Variants in SEMA6A observed in about 807,000 individuals in gnomAD.
SEMA6A encodes the protein semaphorin 6A, also known as semaphorin-6A.
A neutral mutation model predicts 96.8 loss-of-function variants in SEMA6A; 25 were observed. That is an observed-to-expected ratio of 0.26 (90% CI 0.19 to 0.36). The LOEUF (loss-of-function observed/expected upper bound fraction) is 0.36. Ranked by LOEUF, SEMA6A falls within the 10% of genes least tolerant of loss-of-function variation. The pLI is 1.00. For missense variants in SEMA6A, 1,363 were observed against 1,323.1 expected (o/e 1.03, Z -0.47); for synonymous variants, 612 against 518.0 (o/e 1.18, Z -2.46).
chr5:116,462,791 A>G (rs544744092), intron 18 of SEMA6A, among the ~76,000 whole-genome samples: 48 of 152,160 alleles, frequency 3.2e-4, no homozygotes, highest in Non-Finnish European at 3.8e-4. Flanking sequence ...GACTCCTTCA[A>G]TTGCTACAGT....
Position 116,477,908 on chromosome 5 carries a change from T to C in SEMA6A, c.1587A>G (p.Arg529=), listed in dbSNP as rs1188447845. ...CCTTTATCCATCCACAATATGGGTC[T>C]CTGGAGGCAATACAGGTTCTGCAGG... ...GKCKKTCIAS[R]DPYCGWIKEG... is the part of the protein sequence containing the mutation. Residue 529 remains arginine (R), a synonymous_variant, in exon 15 of 19, where the codon AGA becomes AGG. Coordinates refer to ENST00000343348, the MANE Select transcript of SEMA6A (RefSeq NM_020796.5). 2 of 1,613,992 alleles carry C rather than the reference T, an allele frequency of 1.2e-6. No individual in the cohort carries two copies. Among genetic ancestry groups the C allele is most frequent in the Non-Finnish European group, 1.7e-6 (2 of 1,179,858 alleles).
chr5:116,474,024 T>G (rs2112672560), intron 16 of SEMA6A, among the ~76,000 whole-genome samples: 1 of 152,210 alleles, frequency 6.6e-6, no homozygotes, highest in East Asian at 1.9e-4. Flanking sequence ...CCTGAGAGCG[T>G]CCCCTATGCT....
intron 7 of SEMA6A, among the ~76,000 whole-genome samples, chr5:116,490,189 C>A (rs1757263968): frequency 6.6e-6 from 1 of 152,082 alleles, no homozygotes; most frequent in South Asian, 2.1e-4. Context: ...AGCTATATAT[C>A]AATAAGTTTT....
intron 5 of SEMA6A, 40 bp from the exon 6 acceptor site, chr5:116,495,554 A>T (rs755125012): frequency 7.0e-7 from 1 of 1,419,964 alleles, no homozygotes; most frequent in Non-Finnish European, 9.7e-7. Context: ...ATGTCCATTC[A>T]GTACAGAAAC....
At chr5:116,549,485 C>G (rs980740658) in intron 1 of SEMA6A, among the ~76,000 whole-genome samples, 3 of 152,120 alleles carry the variant, frequency 2.0e-5, no homozygotes, top group Non-Finnish European at 4.4e-5. Flanking sequence ...CCCCAGGGAC[C>G]CATGGTTGTC....
rs762840003 is a variant in SEMA6A, at chr5:116,447,218, C to G, written c.2488G>C (p.Val830Leu). Reference protein sequence around the residue: ...ITQQGYQHEYVDQPKMSEVAQ... With the variant: ...ITQQGYQHEYLDQPKMSEVAQ... Reference sequence around the variant, plus strand: ...ACCTCGCTCATTTTGGGCTGGTCCACGTACTCATGCTGGTAGCCCTGCTGC... The same window carrying G: ...ACCTCGCTCATTTTGGGCTGGTCCAGGTACTCATGCTGGTAGCCCTGCTGC... Residue 830 changes from valine (V) to leucine (L), a missense_variant, in exon 19 of 19, where the codon GTG becomes CTG. Val to Leu is a conservative substitution (Grantham distance 32). This residue lies in a region of SEMA6A where 883 missense variants were observed against 763.6 expected (regional missense o/e 1.16). Coordinates refer to ENST00000343348, the MANE Select transcript of SEMA6A (RefSeq NM_020796.5). 29 of 1,613,938 alleles carry G rather than the reference C, an allele frequency of 1.8e-5. No individual in the cohort carries two copies. Among genetic ancestry groups the G allele is most frequent in the Non-Finnish European group, 2.1e-5 (25 of 1,179,918 alleles).
intron 11 of SEMA6A, among the ~76,000 whole-genome samples, chr5:116,482,118 C>T (rs185558831): frequency 1.4e-4 from 22 of 152,262 alleles, no homozygotes; most frequent in Non-Finnish European, 2.1e-4. Flanking sequence ...TCACCACCCC[C>T]AACCCCCGCT....
intron 18 of SEMA6A, among the ~76,000 whole-genome samples, chr5:116,454,919 C>G (rs1263935259): frequency 6.6e-6 from 1 of 152,028 alleles, no homozygotes; most frequent in African/African-American, 2.4e-5. Context: ...AATGACTGAC[C>G]ATGCCAAAGT....
chr5:116,559,373 C>A (rs1207524471), intron 1 of SEMA6A, among the ~76,000 whole-genome samples: 2 of 152,182 alleles, frequency 1.3e-5, no homozygotes, highest in Admixed American at 6.5e-5. Flanking sequence ...GGCCGGAAGA[C>A]AGGTACCCCC....
intron 1 of SEMA6A, among the ~76,000 whole-genome samples, chr5:116,522,288 T>C (rs1758992340): frequency 6.6e-6 from 1 of 152,230 alleles, no homozygotes; most frequent in Admixed American, 6.5e-5. Flanking sequence ...TACTATTTTT[T>C]AAACTCTTTG....
intron 1 of SEMA6A, among the ~76,000 whole-genome samples, chr5:116,535,259 G>A (rs2112849075): frequency 6.6e-6 from 1 of 152,242 alleles, no homozygotes; most frequent in South Asian, 2.1e-4. Context: ...CAACTAATAA[G>A]GTCACTGACC....
chr5:116,570,074 G>A (rs1053836796), intron 1 of SEMA6A, among the ~76,000 whole-genome samples: 18 of 152,170 alleles, frequency 1.2e-4, no homozygotes, highest in Admixed American at 3.9e-4. Flanking sequence ...CTTGTGTATA[G>A]ACTATATGCA....
At chr5:116,512,950 T>C (rs1443980235) in intron 1 of SEMA6A, among the ~76,000 whole-genome samples, 1 of 152,206 alleles carries the variant, frequency 6.6e-6, no homozygotes, top group South Asian at 2.1e-4. Flanking sequence ...GTAAACGTTC[T>C]TTGTTTGTTT....
chr5:116,480,490 A>G (rs1756697331), intron 11 of SEMA6A, among the ~76,000 whole-genome samples: 2 of 152,210 alleles, frequency 1.3e-5, no homozygotes, highest in Non-Finnish European at 2.9e-5. Flanking sequence ...CAGCCAGCAC[A>G]GTTCAGCCTC....
Position 116,486,823 on chromosome 5 carries a change from G to C in SEMA6A, c.888C>G (p.Leu296=). 2 of 1,613,866 alleles carry C rather than the reference G, an allele frequency of 1.2e-6. No homozygotes were observed. The highest frequency in any genetic ancestry group is 4.5e-5 in the East Asian group (2 of 44,862). ...PGDSHFYFNI[L]QAVTDVIRIN... is the part of the protein sequence containing the mutation. ...TACGAATCACATCTGTAACTGCCTG[G>C]AGAATGTTGAAATAAAAATGAGAGT... The change falls in exon 10 of 19, where the codon CTC becomes CTG. Residue 296 remains leucine, a synonymous_variant. Transcript: ENST00000343348.
At chr5:116,569,667 C>T (rs866605128) in intron 1 of SEMA6A, among the ~76,000 whole-genome samples, 1 of 152,124 alleles carries the variant, frequency 6.6e-6, no homozygotes, top group Non-Finnish European at 1.5e-5. Context: ...CTGAAGGAAG[C>T]CTGCAGGTAT....
intron 18 of SEMA6A, among the ~76,000 whole-genome samples, chr5:116,456,519 A>G (rs1755021234): frequency 6.6e-6 from 1 of 152,238 alleles, no homozygotes; most frequent in Non-Finnish European, 1.5e-5. Context: ...AGCATGGCAT[A>G]TAGCTCAAAA....
At chr5:116,556,496 ATT>A (rs993669117) in intron 1 of SEMA6A, among the ~76,000 whole-genome samples, 10 of 152,312 alleles carry the variant, frequency 6.6e-5, no homozygotes, top group Admixed American at 1.3e-4. Flanking sequence ...TCTGGTGCAT[ATT>A]GTTTCATTTA....
intron 7 of SEMA6A, among the ~76,000 whole-genome samples, chr5:116,491,250 G>T (rs1580429546): frequency 6.6e-6 from 1 of 152,088 alleles, no homozygotes; most frequent in South Asian, 2.1e-4. Flanking sequence ...ATTGGGGCTG[G>T]CAGTCATCCT....
Sources: allele counts gnomAD v4.1 joint callset (sites outside exome capture counted in the v4.1 genomes callset), GRCh38; gene constraint gnomAD v4.1.1; regional missense constraint gnomAD v4.1.1; transcripts MANE v1.5; gene names NCBI Gene and HGNC (gene_info 2026-07-23, HGNC 2026-07-21).